Variants in TRMT13 observed in about 807,000 individuals in gnomAD.
TRMT13 encodes tRNA:m(4)X modification enzyme TRM13 homolog.
In TRMT13, 45 loss-of-function variants were observed where a neutral mutation model predicts 55.9. The observed-to-expected ratio is 0.80, with a 90% CI of 0.63 to 1.03. The LOEUF is 1.03. Among genes scored for constraint, TRMT13 ranks in the 50% least tolerant of loss-of-function variants. TRMT13 has a pLI of 0.00. For missense variants in TRMT13, 513 were observed against 563.9 expected (o/e 0.91, Z 0.91); for synonymous variants, 183 against 196.3 (o/e 0.93, Z 0.57).
At chr1:100,141,403 C>T (rs1656604696) in intron 7 of TRMT13, among the ~76,000 whole-genome samples, 1 of 152,166 alleles carries the variant, frequency 6.6e-6, no homozygotes, top group African/African-American at 2.4e-5. Context: ...GATCGTGGCT[C>T]ACTGCAGCCT....
At chr1:100,142,760 A>G in intron 7 of TRMT13, 1 of 221,996 alleles carries the variant, frequency 4.5e-6, no homozygotes, top group Non-Finnish European at 8.9e-6. Context: ...ATAGGTATAG[A>G]TTAGAATGGT....
rs1406376202 is a variant in TRMT13, at chr1:100,143,220, T to C, written c.742+11T>C. ...AACACTTGTGTTTGAGTAAGTTGTG[T>C]AACTTTCCATTGGTCTACAAATAAA... On this transcript the variant is annotated intron_variant, in intron 8 of 10. Transcript: ENST00000370141. The C allele has an allele frequency of 6.4e-7, 1 of 1,553,194 alleles. No homozygotes were observed. The highest frequency in any genetic ancestry group is 2.3e-5 in the East Asian group (1 of 44,410).
chr1:100,147,841 A>G (rs1454232967), intron 9 of TRMT13, 53 bp from the exon 10 acceptor site: 1 of 1,492,308 alleles, frequency 6.7e-7, no homozygotes, highest in Non-Finnish European at 8.9e-7. Flanking sequence ...TGTAAAAAGT[A>G]TTTATTTTTA....
chr1:100,139,106 C>G (rs1478325332), intron 3 of TRMT13, among the ~76,000 whole-genome samples: 1 of 152,096 alleles, frequency 6.6e-6, no homozygotes, highest in Non-Finnish European at 1.5e-5. Flanking sequence ...GGCTTCATTA[C>G]GTTAATTTAA....
intron 3 of TRMT13, among the ~76,000 whole-genome samples, chr1:100,139,339 C>A (rs1391744059): frequency 6.6e-6 from 1 of 152,146 alleles, no homozygotes; most frequent in African/African-American, 2.4e-5. Flanking sequence ...GGCTGTAGAA[C>A]TTTTAATAAG....
chr1:100,140,812 G>A (rs1388202124), intron 6 of TRMT13, 40 bp from the exon 7 acceptor site: 1 of 1,570,224 alleles, frequency 6.4e-7, no homozygotes, highest in African/African-American at 1.4e-5. Flanking sequence ...AACCAAATGT[G>A]TTTACTCTAG....
chr1:100,137,851 T>C (rs1433926854), intron 3 of TRMT13, among the ~76,000 whole-genome samples: 1 of 152,208 alleles, frequency 6.6e-6, no homozygotes, highest in African/African-American at 2.4e-5. Context: ...AAAGTATTTT[T>C]ACATTAAGAT....
Position 100,143,124 on chromosome 1 carries a change from T to G in TRMT13, c.670-13T>G, listed in dbSNP as rs1293566719. 1 of 1,584,814 alleles carries G rather than the reference T, an allele frequency of 6.3e-7. No individual in the cohort carries two copies. The highest frequency in any genetic ancestry group is 8.6e-7 in the Non-Finnish European group (1 of 1,157,292). Reference sequence around the variant, plus strand: ...TAAGAAGTGATTATTACAATAATGTTCTGTTTGTGCAGGTGGATGGAAAAC... The same window carrying G: ...TAAGAAGTGATTATTACAATAATGTGCTGTTTGTGCAGGTGGATGGAAAAC... On this transcript the variant is annotated splice_polypyrimidine_tract_variant and intron_variant, in intron 7 of 10. Coordinates refer to ENST00000370141, the MANE Select transcript of TRMT13 (RefSeq NM_019083.3).
intron 8 of TRMT13, among the ~76,000 whole-genome samples, chr1:100,143,790 C>A (rs1656907827): frequency 6.6e-6 from 1 of 152,088 alleles, no homozygotes; most frequent in Non-Finnish European, 1.5e-5. Context: ...ATCTTTGCAA[C>A]CTCTTCCATT....
chr1:100,139,467 CA>C (rs1463680846), intron 3 of TRMT13, among the ~76,000 whole-genome samples, 181 bp from the exon 4 acceptor site: 8 of 152,078 alleles, frequency 5.3e-5, no homozygotes, highest in Non-Finnish European at 1.2e-4. Context: ...GTGGAGTGCC[CA>C]ATACCTAAAG....
chr1:100,139,455 T>C (rs1656322214), intron 3 of TRMT13, among the ~76,000 whole-genome samples, 194 bp from the exon 4 acceptor site: 1 of 152,166 alleles, frequency 6.6e-6, no homozygotes, highest in African/African-American at 2.4e-5. Flanking sequence ...TTATCTACTG[T>C]GGTGGAGTGC....
rs1655949583 is a variant in TRMT13, at chr1:100,136,944, A to G, written c.194+16A>G. ...ATCCAAAACAGTAAGTGTGGATCAG[A>G]TACGGGTTTTTTTTTGTGCTGGAAA... On this transcript the variant is annotated intron_variant, in intron 2 of 10. Coordinates refer to ENST00000370141, the MANE Select transcript of TRMT13 (RefSeq NM_019083.3). 1.2e-6 allele frequency: 2 copies of G among 1,602,228 alleles called. No homozygotes were observed. Among genetic ancestry groups the G allele is most frequent in the Admixed American group, 1.7e-5 (1 of 57,510 alleles).
intron 7 of TRMT13, 57 bp downstream of exon 7, chr1:100,141,076 C>A: frequency 7.0e-7 from 1 of 1,431,818 alleles, no homozygotes; most frequent in Non-Finnish European, 9.4e-7. Flanking sequence ...TTTTTGTATT[C>A]AGGAAAAAAG....
chr1:100,140,728 T>A, intron 6 of TRMT13, 124 bp from the exon 7 acceptor site: 1 of 1,060,936 alleles, frequency 9.4e-7, no homozygotes, highest in Non-Finnish European at 1.4e-6. Flanking sequence ...GAGAGAAAAA[T>A]TTTAAGTCAA....
At chr1:100,133,925 A>G (rs1336698364) in intron 1 of TRMT13, among the ~76,000 whole-genome samples, 1 of 152,046 alleles carries the variant, frequency 6.6e-6, no homozygotes, top group African/African-American at 2.4e-5. Context: ...ACTAAAATTA[A>G]GAAAATCGTG....
Position 100,149,293 on chromosome 1 carries a change from A to G in TRMT13, c.*473A>G. On this transcript the variant is annotated 3_prime_UTR_variant, in exon 11 of 11. Transcript: ENST00000370141. ...TTTCCCTACAGATCTGGAAAGCACA[A>G]TTGTGATTTTCTCAAATGCAGACAA... 6.5e-7 allele frequency: 1 copy of G among 1,532,504 alleles called. No individual in the cohort carries two copies. Among genetic ancestry groups the G allele is most frequent in the Non-Finnish European group, 8.8e-7 (1 of 1,142,522 alleles). The allele number at this position is 1,532,504 out of a possible 1,614,324, so 94.9% of individuals were successfully genotyped here. A position where few individuals can be genotyped will look rare whatever the true frequency, so the allele number is the denominator to read the frequency against.
Position 100,140,972 on chromosome 1 carries a change from GA to G in TRMT13, c.627del (p.Val210PhefsTer5). The G allele has an allele frequency of 1.2e-6, 2 of 1,613,434 alleles. No homozygotes were observed. Among genetic ancestry groups the G allele is most frequent in the Non-Finnish European group, 8.5e-7 (1 of 1,179,646 alleles). ...GGTTGATATTGCCTTAAAAGATGCT[GA>G]AAAAGTTCACTTCATCCTAGTGGAA... is the stretch of plus-strand genomic sequence containing the variant. The part of the protein sequence containing the change: ...HWVDIALKDA[E>X]KVHFILVEKV... On this transcript the variant is annotated frameshift_variant, in exon 7 of 11. Transcript: ENST00000370141. LOFTEE classifies it high-confidence loss of function.
intron 3 of TRMT13, among the ~76,000 whole-genome samples, chr1:100,138,745 C>T (rs751800156): frequency 6.6e-6 from 1 of 152,198 alleles, no homozygotes; most frequent in Non-Finnish European, 1.5e-5. Flanking sequence ...AGCCACTAGC[C>T]ACATATGACT....
rs765193091 is a variant in TRMT13, at chr1:100,149,389, T to C, written c.*569T>C. On this transcript the variant is annotated 3_prime_UTR_variant, in exon 11 of 11. Coordinates refer to ENST00000370141, the MANE Select transcript of TRMT13 (RefSeq NM_019083.3). Reference sequence around the variant, plus strand: ...ACCTTCAAATTTCCAGAGCCATACATGTATATATTGTCAGAATCTGTCCAT... The same window carrying C: ...ACCTTCAAATTTCCAGAGCCATACACGTATATATTGTCAGAATCTGTCCAT... The C allele has an allele frequency of 2.6e-6, 4 of 1,546,464 alleles. No homozygotes were observed. The South Asian group carries it at 3.6e-5, about 14-fold the overall frequency.
Sources: allele counts gnomAD v4.1 joint callset (sites outside exome capture counted in the v4.1 genomes callset), GRCh38; gene constraint gnomAD v4.1.1; transcripts MANE v1.5; gene names NCBI Gene and HGNC (gene_info 2026-07-23, HGNC 2026-07-21).